Variants in RESF1 observed in about 807,000 individuals in gnomAD.
The protein encoded by RESF1 is gonad expressed transcript.
In RESF1, 65 loss-of-function variants were observed where a neutral mutation model predicts 134.7. The observed-to-expected ratio is 0.48, with a 90% CI of 0.40 to 0.59. The LOEUF (loss-of-function observed/expected upper bound fraction) is 0.59. Ranked by LOEUF, RESF1 falls within the 20% of genes least tolerant of loss-of-function variation. The probability of loss-of-function intolerance (pLI) is 0.00; values close to 1 mark genes in which losing one functional copy is unlikely to be tolerated. For missense variants in RESF1, 2,274 were observed against 2,002.7 expected, an observed-to-expected ratio of 1.14 and a Z score of -2.59; for synonymous variants, 762 against 702.2, an observed-to-expected ratio of 1.09 and a Z score of -1.35.
At chr12:31,987,106 T>TA (rs1313729890) in intron 4 of RESF1, 133 bp from the exon 5 acceptor site, 63 of 581,588 alleles carry the variant, frequency 1.1e-4, no homozygotes, top group South Asian at 1.2e-4. Context: ...GTCCTTTTTT[T>TA]AGAGTTGTGT....
chr12:31,987,403 G>A (rs1940000756), intron 5 of RESF1, 81 bp downstream of exon 5: 4 of 762,908 alleles, frequency 5.2e-6, no homozygotes, highest in African/African-American at 1.8e-5. Flanking sequence ...TGATATGATT[G>A]TAAAGTATGA....
chr12:31,983,688 G>C lies in RESF1; in HGVS notation c.2733G>C (p.Lys911Asn), dbSNP rs766610859. ...CCTCTTACAATTCCCAAATAGCAAA[G>C]ATATTCAGCTCTCTTCCCTTGAAAA... ...GDTSYNSQIA[K>N]IFSSLPLKMV... Residue 911 changes from lysine (K) to asparagine (N), a missense_variant, in exon 4 of 6, where the codon AAG becomes AAC. Lys to Asn is a moderately conservative substitution (Grantham distance 94). Coordinates refer to ENST00000312561, the MANE Select transcript of RESF1 (RefSeq NM_018169.4). The C allele has an allele frequency of 1.2e-6, 2 of 1,613,848 alleles. No individual in the cohort carries two copies. Among genetic ancestry groups the C allele is most frequent in the South Asian group, 2.2e-5 (2 of 91,080 alleles).
At chr12:31,971,497 C>T (rs907598746) in intron 3 of RESF1, among the ~76,000 whole-genome samples, 1 of 152,146 alleles carries the variant, frequency 6.6e-6, no homozygotes, top group African/African-American at 2.4e-5. Flanking sequence ...ATTTTACTTT[C>T]AGTCTGTGTT....
chr12:31,984,170 G>C lies in RESF1; in HGVS notation c.3215G>C (p.Arg1072Pro). The C allele has an allele frequency of 1.2e-6, 2 of 1,613,110 alleles. No homozygotes were observed. The highest frequency in any genetic ancestry group is 1.7e-6 in the Non-Finnish European group (2 of 1,179,740). Residue 1072 changes from arginine to proline, a missense_variant, in exon 4 of 6, where the codon CGT (arginine) becomes CCT (proline). Coordinates refer to ENST00000312561, the MANE Select transcript of RESF1 (RefSeq NM_018169.4). The stretch of plus-strand genomic sequence containing the variant: ...TATGGCATTGAGGCTGTGAATACAC[G>C]TGAAGGTTCTGTGGGCCAGCAAACT... ...FPYGIEAVNT[R>P]EGSVGQQTTY...
intron 2 of RESF1, among the ~76,000 whole-genome samples, chr12:31,966,705 G>A (rs1349362770): frequency 6.6e-6 from 1 of 152,224 alleles, no homozygotes; most frequent in Admixed American, 6.5e-5. Flanking sequence ...CATGGGGAAC[G>A]TTTGGTATGT....
At chr12:31,969,349 T>TA (rs1379698039) in intron 2 of RESF1, among the ~76,000 whole-genome samples, 2 of 152,024 alleles carry the variant, frequency 1.3e-5, no homozygotes, top group African/African-American at 2.4e-5. Context: ...TACAAAACAT[T>TA]AAAAAAATTA....
intron 4 of RESF1, chr12:31,987,033 C>T (rs973619580): frequency 9.6e-6 from 4 of 418,522 alleles, no homozygotes; most frequent in South Asian, 2.7e-5. Flanking sequence ...AACATAATTA[C>T]ATAGTAAAGA....
rs756945275 is a variant in RESF1, at chr12:31,984,011, A to C, written c.3056A>C (p.Asp1019Ala). ...TGCTCGTCAGCTGCTATTCAGGAGG[A>C]TATTTACCCTCAGGAAATAGATGCA... ...DTCSSAAIQE[D>A]IYPQEIDASS... Residue 1019 changes from aspartate to alanine, a missense_variant, in exon 4 of 6, where the codon GAT becomes GCT. Coordinates refer to ENST00000312561, the MANE Select transcript of RESF1 (RefSeq NM_018169.4). The C allele has an allele frequency of 3.1e-6, 5 of 1,613,996 alleles. No individual in the cohort carries two copies. In the South Asian group the frequency reaches 5.5e-5, roughly 18 times the overall value.
rs756879866 is a variant in RESF1 at position 31,984,982 on chromosome 12, AATAAAG to A, written c.4030_4035del (p.Lys1344_Asp1345del). The A allele has an allele frequency of 6.2e-7, 1 of 1,612,648 alleles. No individual in the cohort carries two copies. The highest frequency in any genetic ancestry group is 1.3e-5 in the African/African-American group (1 of 74,846). Reference sequence around the variant, plus strand: ...AAAAACAAAAACAGCTTTTTTGCCAAATAAAGATGTGTATAAGAAGCATAGTTCTTT... The same window carrying A: ...AAAAACAAAAACAGCTTTTTTGCCAAATGTGTATAAGAAGCATAGTTCTTT... On this transcript the variant is annotated inframe_deletion, in exon 4 of 6. Coordinates refer to ENST00000312561, the MANE Select transcript of RESF1 (RefSeq NM_018169.4).
chr12:31,968,695 G>A (rs1013563882), intron 2 of RESF1, among the ~76,000 whole-genome samples: 1 of 152,026 alleles, frequency 6.6e-6, no homozygotes, highest in East Asian at 1.9e-4. Flanking sequence ...TGATCCGCCC[G>A]CCTCTGCCTC....
rs1939793806 is a variant in RESF1, at chr12:31,981,601, A to G, written c.646A>G (p.Lys216Glu). 3.7e-6 allele frequency: 6 copies of G among 1,614,024 alleles called. 1 individual carries two copies. The highest frequency in any genetic ancestry group is 1.6e-4 in the Middle Eastern group (1 of 6,084). The change falls in exon 4 of 6, where the codon AAG (lysine) becomes GAG (glutamate). Residue 216 changes from lysine to glutamate, a missense_variant. Transcript: ENST00000312561. ...LTYPDYRPPP[K>E]LYRYSPQSFL... ...TTACCCAGATTACAGACCACCTCCA[A>G]AGCTATACCGTTACTCACCACAAAG...
chr12:31,974,255 G>A lies in RESF1; in HGVS notation c.-79+3899G>A, dbSNP rs1429021971. 4.6e-5 allele frequency among the ~76,000 whole-genome samples: 7 copies of A among 151,746 alleles called. No individual in the cohort carries two copies. In the South Asian group the frequency reaches 8.3e-4, roughly 18 times the overall value. ...TCTCAGGAGCTCTGTGTCAGGAACC[G>A]GGTTCAAAGACCACGTATTAGTGCA... On this transcript the variant is annotated intron_variant, in intron 3 of 5. Coordinates refer to ENST00000312561, the MANE Select transcript of RESF1 (RefSeq NM_018169.4).
chr12:31,973,605 C>A (rs1939562503), intron 3 of RESF1, among the ~76,000 whole-genome samples: 1 of 151,922 alleles, frequency 6.6e-6, no homozygotes, highest in African/African-American at 2.4e-5. Flanking sequence ...CCAAAAACTT[C>A]AATTTAGGTC....
Position 31,982,260 on chromosome 12 carries a change from T to G in RESF1, c.1305T>G (p.Ser435Arg). The G allele has an allele frequency of 6.2e-7, 1 of 1,614,068 alleles. No individual in the cohort carries two copies. The highest frequency in any genetic ancestry group is 1.1e-5 in the South Asian group (1 of 91,086). ...TTAAAATGACTAATACTTCTTATAG[T>G]GAACCAGCTCAGAATTCTAAATTGT... ...GCIKMTNTSY[S>R]EPAQNSKLSL... Residue 435 changes from serine (S) to arginine (R), a missense_variant, in exon 4 of 6, where the codon AGT becomes AGG. Ser to Arg is a moderately radical substitution (Grantham distance 110, BLOSUM62 -1). Coordinates refer to ENST00000312561, the MANE Select transcript of RESF1 (RefSeq NM_018169.4).
rs186633581 is a variant in RESF1, at chr12:31,964,531, G to A, written c.-247+3660G>A. ...TACTGTTTTCTTTATGCGGTTTACC[G>A]TTGATGGGCATTTAGGTTGATTCTG... On this transcript the variant is annotated intron_variant, in intron 2 of 5. Coordinates refer to ENST00000312561, the MANE Select transcript of RESF1 (RefSeq NM_018169.4). Among the ~76,000 whole-genome samples, 314 of 152,240 alleles carry A rather than the reference G, an allele frequency of 2.1e-3. 1 individual carries two copies. Among genetic ancestry groups the A allele is most frequent in the Non-Finnish European group, 3.0e-3 (203 of 68,008 alleles).
At position 31,976,637 on chromosome 12, in the gene RESF1, C is replaced by T. The variant is rs143222698; in HGVS notation, c.-78-4241C>T. Among the ~76,000 whole-genome samples the T allele has an allele frequency of 5.7e-3, 862 of 151,930 alleles. 12 individuals are homozygous for T. In the Middle Eastern group the frequency reaches 0.061, roughly 11 times the overall value. On this transcript the variant is annotated intron_variant, in intron 3 of 5. Transcript: ENST00000312561. The stretch of plus-strand genomic sequence containing the variant: ...GGCAGAGGTTGCAGTGAGCCGAGAT[C>T]GCACCACTGCACTCCAGTCTGGGTG...
At position 31,981,669 on chromosome 12, in the gene RESF1, A is replaced by C; in HGVS notation, c.714A>C (p.Pro238=). The C allele has an allele frequency of 6.2e-7, 1 of 1,613,828 alleles. No individual in the cohort carries two copies. The change falls in exon 4 of 6, where the codon CCA becomes CCC. Residue 238 remains proline, a synonymous_variant. Coordinates refer to ENST00000312561, the MANE Select transcript of RESF1 (RefSeq NM_018169.4). ...DSTIQKQNFI[P]HTSLQVKNSQ... The stretch of plus-strand genomic sequence containing the variant: ...CCATTCAAAAACAAAACTTTATACC[A>C]CATACATCATTGCAAGTTAAAAATA...
chr12:31,976,327 G>A (rs1939631040), intron 3 of RESF1, among the ~76,000 whole-genome samples: 1 of 152,102 alleles, frequency 6.6e-6, no homozygotes, highest in Admixed American at 6.5e-5. Flanking sequence ...GCTGTTCAGT[G>A]GAAGCCTTAA....
At chr12:31,977,520 G>T (rs889266950) in intron 3 of RESF1, among the ~76,000 whole-genome samples, 1 of 152,068 alleles carries the variant, frequency 6.6e-6, no homozygotes, top group African/African-American at 2.4e-5. Flanking sequence ...TAATCTACCT[G>T]GGATTGATTT....
Sources: gnomAD v4.1 joint callset for allele counts (sites outside exome capture counted in the v4.1 genomes callset) on GRCh38, gnomAD v4.1.1 for gene constraint, MANE v1.5 for transcripts, NCBI Gene and HGNC (gene_info 2026-07-23, HGNC 2026-07-21) for gene names.